The following EML5 variants were observed in gnomAD, a reference collection of about 807,000 sequenced individuals.
EML5 encodes EMAP like 5, also known as echinoderm microtubule-associated protein-like 5.
EML5 carries 120 observed loss-of-function variants against 250.0 expected under a neutral mutation model. The observed-to-expected ratio is 0.48, with a 90% CI of 0.41 to 0.56. The LOEUF is 0.56. Ranked by LOEUF, EML5 falls within the 20% of genes least tolerant of loss-of-function variation. The probability of loss-of-function intolerance (pLI) is 0.00; values close to 1 mark genes in which losing one functional copy is unlikely to be tolerated. For missense variants in EML5, 2,006 were observed against 2,437.6 expected (o/e 0.82, Z 3.73); for synonymous variants, 771 against 806.5 (o/e 0.96, Z 0.75).
chr14:88,665,555 G>C, intron 21 of EML5, 66 bp from the exon 22 acceptor site: 3 of 1,593,454 alleles, frequency 1.9e-6, no homozygotes, highest in Non-Finnish European at 2.6e-6. Context: ...GGCCAGGTGT[G>C]GTGGCTCATG....
chr14:88,663,395 T>C (rs2092195797), intron 23 of EML5, among the ~76,000 whole-genome samples: 1 of 152,186 alleles, frequency 6.6e-6, no homozygotes, highest in Non-Finnish European at 1.5e-5. Flanking sequence ...AATGTTAAAA[T>C]ATTTTTTAAA....
At chr14:88,687,092 C>G in intron 19 of EML5, 124 bp downstream of exon 19, 1 of 726,964 alleles carries the variant, frequency 1.4e-6, no homozygotes, top group Non-Finnish European at 2.3e-6. Flanking sequence ...ATTTCTTCCA[C>G]TTAATTCTGA....
At chr14:88,638,185 T>C (rs2090846658) in intron 32 of EML5, among the ~76,000 whole-genome samples, 1 of 152,238 alleles carries the variant, frequency 6.6e-6, no homozygotes, top group Non-Finnish European at 1.5e-5. Flanking sequence ...AATCACAGGT[T>C]GGCAGATATG....
intron 6 of EML5, among the ~76,000 whole-genome samples, chr14:88,737,899 A>T (rs1237277412): frequency 1.3e-5 from 2 of 152,176 alleles, no homozygotes; most frequent in African/African-American, 4.8e-5. Context: ...TCCTTTTAAT[A>T]ATCTTTTTAC....
At chr14:88,780,909 G>A (rs149571202) in intron 1 of EML5, among the ~76,000 whole-genome samples, 204 of 152,228 alleles carry the variant, frequency 1.3e-3, no homozygotes, top group African/African-American at 4.6e-3. Flanking sequence ...CTCCTTTCCT[G>A]AAAGCCAACT....
At chr14:88,652,982 T>TG (rs2091701729) in intron 27 of EML5, among the ~76,000 whole-genome samples, 1 of 152,204 alleles carries the variant, frequency 6.6e-6, no homozygotes, top group African/African-American at 2.4e-5. Flanking sequence ...CCTTGAGCAG[T>TG]GGTTTGTACC....
intron 4 of EML5, among the ~76,000 whole-genome samples, chr14:88,742,108 C>T (rs2093933152): frequency 6.6e-6 from 1 of 152,094 alleles, no homozygotes; most frequent in African/African-American, 2.4e-5. Context: ...TGCCTGGACT[C>T]CCAATTGAGA....
chr14:88,768,029 G>T (rs889997919), intron 1 of EML5, among the ~76,000 whole-genome samples: 2 of 152,030 alleles, frequency 1.3e-5, no homozygotes, highest in Admixed American at 1.3e-4. Flanking sequence ...TTCATAACCT[G>T]GGAACTTTTG....
In EML5 at chr14:88,626,945, C is replaced by T; in HGVS notation, c.4633G>A (p.Val1545Met). 1.2e-6 allele frequency: 2 copies of T among 1,613,966 alleles called. No homozygotes were observed. Among genetic ancestry groups the T allele is most frequent in the African/African-American group, 2.7e-5 (2 of 75,044 alleles). Residue 1545 changes from valine to methionine, a missense_variant, in exon 35 of 44, where the codon GTG (valine) becomes ATG (methionine). Val to Met is a conservative substitution (Grantham distance 21). Coordinates refer to ENST00000554922, the MANE Select transcript of EML5 (RefSeq NM_183387.3). ...CTTCCTGCCAGGGTCCAGAACTTCA[C>T]ATGTTTTACTCCCACTGAGACAAAC... ...TQFVSVGVKH[V>M]KFWTLAGRAL...
chr14:88,700,742 A>T (rs1444307019), intron 14 of EML5, among the ~76,000 whole-genome samples: 5 of 152,160 alleles, frequency 3.3e-5, no homozygotes, highest in Admixed American at 3.3e-4. Context: ...CCAAATGAGG[A>T]CAAACGTTTC....
intron 31 of EML5, among the ~76,000 whole-genome samples, chr14:88,642,454 T>C (rs544972814): frequency 6.6e-6 from 1 of 152,188 alleles, no homozygotes; most frequent in East Asian, 1.9e-4. Flanking sequence ...CCTTTCTTCC[T>C]TGGCTTTCCA....
At chr14:88,659,577 AG>A (rs1167601034) in intron 25 of EML5, among the ~76,000 whole-genome samples, 1 of 152,180 alleles carries the variant, frequency 6.6e-6, no homozygotes, top group Non-Finnish European at 1.5e-5. Context: ...GCAAGAAGGT[AG>A]TTTCTCTAAG....
chr14:88,753,876 C>A (rs1007608712), intron 2 of EML5, among the ~76,000 whole-genome samples: 3 of 152,030 alleles, frequency 2.0e-5, no homozygotes, highest in African/African-American at 7.3e-5. Flanking sequence ...TGGCTCAAGC[C>A]TGTAATTCCA....
intron 27 of EML5, among the ~76,000 whole-genome samples, 174 bp downstream of exon 27, chr14:88,657,202 A>C (rs956245505): frequency 1.3e-5 from 2 of 152,194 alleles, no homozygotes; most frequent in Admixed American, 1.3e-4. Flanking sequence ...TACATCACCC[A>C]GGCTGATACC....
intron 8 of EML5, among the ~76,000 whole-genome samples, chr14:88,725,946 C>T (rs1566706014): frequency 1.3e-5 from 2 of 152,124 alleles, no homozygotes; most frequent in African/African-American, 4.8e-5. Flanking sequence ...AAGGATCTTA[C>T]CGTTCACTGA....
At chr14:88,754,864 T>G (rs534728148) in intron 1 of EML5, among the ~76,000 whole-genome samples, 193 bp from the exon 2 acceptor site, 306 of 152,314 alleles carry the variant, frequency 2.0e-3, no homozygotes, top group Non-Finnish European at 3.0e-3. Context: ...AGTGCAGTGG[T>G]GTGATCTCAG....
rs144695156 is a variant in EML5 at position 88,751,161 on chromosome 14, G to A, written c.357+3351C>T. ...ACCAACATCCCTATGCATAGATTAC[G>A]CAACAACAGACAGGACAAGGTAGAA... On this transcript the variant is annotated intron_variant, in intron 2 of 43. Coordinates refer to ENST00000554922, the MANE Select transcript of EML5 (RefSeq NM_183387.3). Among the ~76,000 whole-genome samples the A allele has an allele frequency of 2.8e-3, 430 of 152,196 alleles. 3 individuals are homozygous for A. The highest frequency in any genetic ancestry group is 9.9e-3 in the African/African-American group (413 of 41,530).
intron 1 of EML5, among the ~76,000 whole-genome samples, chr14:88,777,727 G>A (rs1159410199): frequency 7.9e-5 from 12 of 152,170 alleles, no homozygotes; most frequent in South Asian, 4.1e-4. Context: ...CTGTAATCCC[G>A]GCACTTTGGG....
intron 7 of EML5, among the ~76,000 whole-genome samples, chr14:88,729,199 A>G (rs2093714426): frequency 6.6e-6 from 1 of 152,164 alleles, no homozygotes; most frequent in Non-Finnish European, 1.5e-5. Flanking sequence ...ACACATATAC[A>G]TTTGGCCTTA....
Sources: gnomAD v4.1 joint callset for allele counts (sites outside exome capture counted in the v4.1 genomes callset) on GRCh38, gnomAD v4.1.1 for gene constraint, MANE v1.5 for transcripts, NCBI Gene and HGNC (gene_info 2026-07-23, HGNC 2026-07-21) for gene names.